VWDE: variants seen among roughly 807,000 people sequenced by gnomAD.
The protein encoded by VWDE is von Willebrand factor D and EGF domain-containing protein.
A neutral mutation model predicts 178.4 loss-of-function variants in VWDE; 207 were observed. The ratio of observed to expected loss-of-function variants is 1.16; its 90% CI spans 1.04 to 1.30. VWDE has a LOEUF of 1.30. Among genes scored for constraint, VWDE ranks in the 50% most tolerant of loss-of-function variants. VWDE has a pLI of 0.00. For missense variants in VWDE, 2,287 were observed against 1,901.3 expected (o/e 1.20, Z -3.77); for synonymous variants, 738 against 651.4 (o/e 1.13, Z -2.02).
chr7:12,386,833 G>T (rs991316345), intron 3 of VWDE, among the ~76,000 whole-genome samples: 1 of 152,070 alleles, frequency 6.6e-6, no homozygotes, highest in Non-Finnish European at 1.5e-5. Flanking sequence ...GTGCCATGTG[G>T]GCAGGGACCA....
intron 17 of VWDE, 131 bp from the exon 18 acceptor site, chr7:12,356,461 C>T (rs76791606): frequency 5.4e-4 from 96 of 178,824 alleles, no homozygotes; most frequent in Non-Finnish European, 7.5e-4. Flanking sequence ...GATATATATA[C>T]ACACACACAC....
chr7:12,388,139 T>A (rs1247960013), intron 3 of VWDE, among the ~76,000 whole-genome samples: 1 of 152,168 alleles, frequency 6.6e-6, no homozygotes, highest in Non-Finnish European at 1.5e-5. Context: ...TTTTCATAAT[T>A]TTGACATTTT....
At chr7:12,361,081 G>GC in intron 15 of VWDE, 66 bp downstream of exon 15, 1 of 984,698 alleles carries the variant, frequency 1.0e-6, no homozygotes, top group Admixed American at 2.7e-5. Flanking sequence ...CAATTAATGT[G>GC]CCCACAGCAT....
chr7:12,395,632 C>G (rs1784584904), intron 1 of VWDE, among the ~76,000 whole-genome samples: 1 of 151,798 alleles, frequency 6.6e-6, no homozygotes, highest in Non-Finnish European at 1.5e-5. Context: ...CAATATTTAT[C>G]TTATAAGATA....
At chr7:12,394,950 G>A (rs545624391) in intron 1 of VWDE, among the ~76,000 whole-genome samples, 48 of 152,134 alleles carry the variant, frequency 3.2e-4, no homozygotes, top group African/African-American at 1.2e-3. Flanking sequence ...TTTACAAGTG[G>A]ATCTCACAAG....
In VWDE at chr7:12,336,176, C is replaced by A. The variant is rs1781016422; in HGVS notation, c.4619G>T (p.Cys1540Phe). ...CCGCACTCCTTCCCAGGAGGAAGGA[C>A]AATGGCATATGCTGGGCGCAATGCA... The part of the protein sequence containing the change: ...GECIAPSICH[C>F]PSSWEGVRCQ... The change falls in exon 27 of 29, where the codon TGT (cysteine) becomes TTT (phenylalanine). Residue 1540 changes from cysteine to phenylalanine, a missense_variant. Coordinates refer to ENST00000275358, the MANE Select transcript of VWDE (RefSeq NM_001135924.3). 2 of 1,551,234 alleles carry A rather than the reference C, an allele frequency of 1.3e-6. No homozygotes were observed. Among genetic ancestry groups the A allele is most frequent in the African/African-American group, 1.4e-5 (1 of 73,030 alleles).
At chr7:12,391,656 A>G (rs577305181) in intron 2 of VWDE, among the ~76,000 whole-genome samples, 21 of 152,352 alleles carry the variant, frequency 1.4e-4, no homozygotes, top group African/African-American at 5.0e-4. Flanking sequence ...TAATGAGCAA[A>G]TAAACAAAAA....
intron 1 of VWDE, among the ~76,000 whole-genome samples, chr7:12,399,178 A>AGAG (rs1784763065): frequency 6.6e-6 from 1 of 152,182 alleles, no homozygotes; most frequent in South Asian, 2.1e-4. Flanking sequence ...ACGTATCAAA[A>AGAG]GACAAACTGA....
At position 12,403,710 on chromosome 7, in the gene VWDE, C is replaced by T; in HGVS notation, c.7G>A (p.Gly3Ser). MP[G>S]GACVLVIALM... ...GCGATCACCAGCACGCAGGCTCCGCCAGGCATCGCTGCTTCCGCAGGTGGG... is the reference window on the plus strand; with the variant it reads ...GCGATCACCAGCACGCAGGCTCCGCTAGGCATCGCTGCTTCCGCAGGTGGG... The change falls in exon 1 of 29, where the codon GGC becomes AGC. Residue 3 changes from glycine (G) to serine (S), a missense_variant. Physicochemically the swap from Gly to Ser is moderately conservative, Grantham distance 56 (BLOSUM62 0). Coordinates refer to ENST00000275358, the MANE Select transcript of VWDE (RefSeq NM_001135924.3). 2 of 1,550,142 alleles carry T rather than the reference C, an allele frequency of 1.3e-6. No individual in the cohort carries two copies. Among genetic ancestry groups the T allele is most frequent in the South Asian group, 2.4e-5 (2 of 84,032 alleles).
chr7:12,342,937 G>C (rs1781406344), intron 22 of VWDE, 146 bp downstream of exon 22: 1 of 454,344 alleles, frequency 2.2e-6, no homozygotes, highest in Non-Finnish European at 3.9e-6. Context: ...GCGGTGTTTG[G>C]TTTTTTGTCC....
In VWDE at chr7:12,342,070, G is replaced by T. The variant is rs1055504070; in HGVS notation, c.4259C>A (p.Thr1420Asn). ...CQCKPGWYGP[T>N]CSTALCDPVC... ...ATTTCCAATTTTACCTGTACTACAG[G>T]TGGGTCCATACCAGCCAGGTTTGCA... Residue 1420 changes from threonine (T) to asparagine (N), a missense_variant, in exon 23 of 29, where the codon ACC becomes AAC. Coordinates refer to ENST00000275358, the MANE Select transcript of VWDE (RefSeq NM_001135924.3). The T allele has an allele frequency of 1.3e-6, 2 of 1,550,748 alleles. No homozygotes were observed. The highest frequency in any genetic ancestry group is 2.7e-5 in the African/African-American group (2 of 72,898).
At chr7:12,379,075 T>C (rs1326328728) in intron 6 of VWDE, among the ~76,000 whole-genome samples, 2 of 152,162 alleles carry the variant, frequency 1.3e-5, no homozygotes, top group South Asian at 4.1e-4. Flanking sequence ...AGCTCAATCT[T>C]TGCAGTCCAT....
intron 3 of VWDE, among the ~76,000 whole-genome samples, chr7:12,384,279 T>C (rs1350752839): frequency 1.3e-5 from 2 of 152,004 alleles, no homozygotes; most frequent in East Asian, 1.9e-4. Context: ...ATTCCAACTA[T>C]ATGAAATCTA....
chr7:12,396,004 A>G (rs1026808271), intron 1 of VWDE, among the ~76,000 whole-genome samples: 15 of 152,224 alleles, frequency 9.9e-5, no homozygotes, highest in Admixed American at 4.6e-4. Context: ...TATAAAATAT[A>G]CATTAAAATG....
chr7:12,397,666 A>T (rs1369619742), intron 1 of VWDE, among the ~76,000 whole-genome samples: 1 of 152,188 alleles, frequency 6.6e-6, no homozygotes, highest in Admixed American at 6.5e-5. Context: ...CAAACTACGC[A>T]TCTGAAAAAG....
intron 3 of VWDE, among the ~76,000 whole-genome samples, chr7:12,386,110 T>C (rs987340641): frequency 3.9e-5 from 6 of 152,172 alleles, no homozygotes; most frequent in Admixed American, 2.6e-4. Flanking sequence ...TAAACTAATA[T>C]AGATAAATGA....
rs1165912306 is a variant in VWDE at position 12,331,170 on chromosome 7, T to C, written c.*13A>G. 5.2e-6 allele frequency: 8 copies of C among 1,539,500 alleles called. No homozygotes were observed. Among genetic ancestry groups the C allele is most frequent in the South Asian group, 1.2e-5 (1 of 82,712 alleles). On this transcript the variant is annotated 3_prime_UTR_variant, in exon 29 of 29. Transcript: ENST00000275358. Reference sequence around the variant, plus strand: ...TTAAGATACAGGCTTGTAATTCATATACTTGATGCTACTCAATGGCGTCTT... The same window carrying C: ...TTAAGATACAGGCTTGTAATTCATACACTTGATGCTACTCAATGGCGTCTT...
At chr7:12,361,671 G>C (rs758447485) in intron 13 of VWDE, 150 bp from the exon 14 acceptor site, 18 of 667,982 alleles carry the variant, frequency 2.7e-5, no homozygotes, top group Non-Finnish European at 3.9e-5. Flanking sequence ...TTGGGAGTGA[G>C]TTTTATTCAG....
intron 3 of VWDE, among the ~76,000 whole-genome samples, chr7:12,387,936 G>A (rs1350381735): frequency 6.6e-6 from 1 of 152,084 alleles, no homozygotes; most frequent in Non-Finnish European, 1.5e-5. Flanking sequence ...TTCCACAAAT[G>A]TTAACATATT....
Sources: gnomAD v4.1 joint callset for allele counts (sites outside exome capture counted in the v4.1 genomes callset) on GRCh38, gnomAD v4.1.1 for gene constraint, MANE v1.5 for transcripts, NCBI Gene and HGNC (gene_info 2026-07-23, HGNC 2026-07-21) for gene names.